SGCD: variants seen among roughly 807,000 people sequenced by gnomAD.
SGCD encodes delta-sarcoglycan.
In SGCD, 18 loss-of-function variants were observed where a neutral mutation model predicts 36.6. The ratio of observed to expected loss-of-function variants is 0.49; its 90% confidence interval spans 0.34 to 0.73. The LOEUF is 0.73. Among genes scored for constraint, SGCD ranks in the 30% least tolerant of loss-of-function variants. The pLI, the probability that SGCD is intolerant of heterozygous loss-of-function variation, is 0.01. For missense variants in SGCD, 387 were observed against 346.7 expected (o/e 1.12, Z -0.92); for synonymous variants, 133 against 130.6 (o/e 1.02, Z -0.12).
intron 7 of SGCD, among the ~76,000 whole-genome samples, chr5:156,657,585 A>T (rs910100039): frequency 3.3e-5 from 5 of 151,750 alleles, no homozygotes; most frequent in Non-Finnish European, 7.4e-5. Flanking sequence ...CACCATGGTG[A>T]AACCCCATCT....
At chr5:155,943,061 G>A (rs1291262138) in intron 1 of SGCD, among the ~76,000 whole-genome samples, 1 of 152,122 alleles carries the variant, frequency 6.6e-6, no homozygotes, top group Non-Finnish European at 1.5e-5. Flanking sequence ...ATAGAGTTGA[G>A]GACAAAGTCC....
chr5:155,996,154 G>T (rs1382217679), intron 1 of SGCD, among the ~76,000 whole-genome samples: 1 of 152,022 alleles, frequency 6.6e-6, no homozygotes, highest in Non-Finnish European at 1.5e-5. Context: ...GTTAGTTCAG[G>T]TTCAGGTGCA....
chr5:156,214,634 A>G (rs1764528318), intron 3 of SGCD, among the ~76,000 whole-genome samples: 1 of 152,128 alleles, frequency 6.6e-6, no homozygotes, highest in South Asian at 2.1e-4. Context: ...GACTTTAAAT[A>G]GCCAAAGCAA....
At chr5:155,882,574 A>G (rs1194977138) in intron 1 of SGCD, among the ~76,000 whole-genome samples, 5 of 152,202 alleles carry the variant, frequency 3.3e-5, no homozygotes, top group African/African-American at 4.8e-5. Flanking sequence ...GCAGGCAGGA[A>G]AACAACATTC....
chr5:156,509,943 C>T (rs181777545), intron 4 of SGCD, among the ~76,000 whole-genome samples: 1 of 152,242 alleles, frequency 6.6e-6, no homozygotes, highest in Admixed American at 6.5e-5. Context: ...CACCTGTGAG[C>T]AAGGCATAAT....
intron 4 of SGCD, among the ~76,000 whole-genome samples, chr5:156,519,037 T>A (rs1757297687): frequency 6.6e-6 from 1 of 151,078 alleles, no homozygotes; most frequent in Non-Finnish European, 1.5e-5. Context: ...CAAAAAAAAT[T>A]CAAAAAATCA....
intron 4 of SGCD, among the ~76,000 whole-genome samples, chr5:156,573,250 C>T (rs73299111): frequency 0.032 from 4,852 of 152,186 alleles, 267 homozygotes; most frequent in African/African-American, 0.11. Flanking sequence ...GGATAATGAG[C>T]CTGGGATCCA....
At chr5:156,584,746 A>G (rs1251799678) in intron 4 of SGCD, among the ~76,000 whole-genome samples, 1 of 152,184 alleles carries the variant, frequency 6.6e-6, no homozygotes, top group Non-Finnish European at 1.5e-5. Context: ...TGCTGGCTAT[A>G]TATCTATATG....
At chr5:156,537,459 CCACACACACACACACA>C (rs769070218) in intron 4 of SGCD, among the ~76,000 whole-genome samples, 62 of 125,894 alleles carry the variant, frequency 4.9e-4, no homozygotes, top group Middle Eastern at 3.9e-3. Flanking sequence ...AAGGTAGCAG[CCACACACACACACACA>C]CACACACACA....
intron 1 of SGCD, among the ~76,000 whole-genome samples, chr5:155,944,586 T>G (rs1757399961): frequency 6.6e-6 from 1 of 152,188 alleles, no homozygotes; most frequent in Admixed American, 6.5e-5. Context: ...GAATCAGCGC[T>G]GTTGTTACAG....
intron 3 of SGCD, among the ~76,000 whole-genome samples, chr5:156,460,238 G>T (rs1754427512): frequency 6.6e-6 from 1 of 152,142 alleles, no homozygotes; most frequent in Non-Finnish European, 1.5e-5. Flanking sequence ...GGACAGTGTT[G>T]CTGCTTATAT....
intron 1 of SGCD, among the ~76,000 whole-genome samples, chr5:156,097,664 T>C (rs936646438): frequency 1.4e-4 from 22 of 152,364 alleles, no homozygotes; most frequent in African/African-American, 5.3e-4. Context: ...TCTTCAACAC[T>C]TACTTTCATA....
intron 6 of SGCD, among the ~76,000 whole-genome samples, chr5:156,644,926 ATT>A (rs11296311): frequency 3.1e-3 from 458 of 146,100 alleles, no homozygotes; most frequent in Middle Eastern, 7.0e-3. Flanking sequence ...TGCATTTGAG[ATT>A]TTTTTTTTTT....
At chr5:156,536,155 C>A (rs1483111936) in intron 4 of SGCD, among the ~76,000 whole-genome samples, 1 of 152,034 alleles carries the variant, frequency 6.6e-6, no homozygotes, top group Non-Finnish European at 1.5e-5. Flanking sequence ...TTTTTGAGAT[C>A]TTATGGGTCA....
Position 156,229,271 on chromosome 5 carries a change from T to C in SGCD, c.-43-100263T>C, listed in dbSNP as rs569889848. 1.5e-3 allele frequency among the ~76,000 whole-genome samples: 118 copies of C among 78,130 alleles called. 2 individuals carry two copies. The highest frequency in any genetic ancestry group is 2.4e-3 in the Admixed American group (17 of 7,000). The allele number at this position is 78,130 out of a possible 152,430, so 51.3% of individuals were successfully genotyped here. A position where few individuals can be genotyped will look rare whatever the true frequency, so the allele number is the denominator to read the frequency against. ...ATATATACATACATACATATATATA[T>C]ACATACATATATATATATATATATA... On this transcript the variant is annotated intron_variant, in intron 3 of 9. Coordinates refer to the SGCD transcript ENST00000517913.
intron 3 of SGCD, among the ~76,000 whole-genome samples, chr5:156,476,099 A>G (rs1755165297): frequency 6.6e-6 from 1 of 152,144 alleles, no homozygotes; most frequent in Non-Finnish European, 1.5e-5. Context: ...GTTCCCATGT[A>G]ACTTATCATT....
the SGCD span, among the ~76,000 whole-genome samples, chr5:155,742,814 G>T: frequency 6.6e-6 from 1 of 152,208 alleles, no homozygotes; most frequent in African/African-American, 2.4e-5. Flanking sequence ...TTCAGGTTGT[G>T]ACTTGTGCTT....
chr5:156,154,787 C>T (rs894559424), intron 3 of SGCD, among the ~76,000 whole-genome samples: 1 of 151,598 alleles, frequency 6.6e-6, no homozygotes, highest in Non-Finnish European at 1.5e-5. Context: ...CAATAGATAA[C>T]TGATAGAAGT....
chr5:155,822,980 A>T, the SGCD span, among the ~76,000 whole-genome samples: 4 of 152,136 alleles, frequency 2.6e-5, no homozygotes, highest in Non-Finnish European at 4.4e-5. Flanking sequence ...CCAATACAGG[A>T]TATTTACATA....
Sources: gnomAD v4.1 joint callset for allele counts (sites outside exome capture counted in the v4.1 genomes callset) on GRCh38, gnomAD v4.1.1 for gene constraint, MANE v1.5 for transcripts, NCBI Gene and HGNC (gene_info 2026-07-23, HGNC 2026-07-21) for gene names.